TAFA1: variants seen among roughly 807,000 people sequenced by gnomAD.
TAFA1 encodes the protein chemokine-like protein TAFA-1.
In TAFA1, 4 loss-of-function variants were observed where a neutral mutation model predicts 18.5. The observed-to-expected ratio is 0.22, with a 90% CI of 0.11 to 0.49. TAFA1 has a LOEUF of 0.49. Ranked by LOEUF, TAFA1 falls within the 20% of genes least tolerant of loss-of-function variation. TAFA1 has a pLI of 0.98. For missense variants in TAFA1, 147 were observed against 169.0 expected, an observed-to-expected ratio of 0.87 and a Z score of 0.72; for synonymous variants, 56 against 55.2, an observed-to-expected ratio of 1.01 and a Z score of -0.06.
chr3:68,307,279 A>G (rs72626942), intron 2 of TAFA1, among the ~76,000 whole-genome samples: 3,938 of 152,318 alleles, frequency 0.026, 90 homozygotes, highest in East Asian at 0.098. Flanking sequence ...AAAGTTGGAA[A>G]TTATTTTATT....
intron 2 of TAFA1, among the ~76,000 whole-genome samples, chr3:68,240,946 T>C (rs1032746366): frequency 6.6e-6 from 1 of 152,168 alleles, no homozygotes; most frequent in African/African-American, 2.4e-5. Flanking sequence ...TTGACCACAC[T>C]TATTTCTGCC....
chr3:68,257,755 G>A (rs1489436129), intron 2 of TAFA1, among the ~76,000 whole-genome samples: 3 of 152,106 alleles, frequency 2.0e-5, no homozygotes, highest in Non-Finnish European at 4.4e-5. Flanking sequence ...CCAAGGAATA[G>A]AGTATGGAAA....
intron 2 of TAFA1, among the ~76,000 whole-genome samples, chr3:68,371,562 T>C (rs542306978): frequency 6.6e-6 from 1 of 152,206 alleles, no homozygotes; most frequent in Non-Finnish European, 1.5e-5. Flanking sequence ...GAATTCATTC[T>C]TTTTTATGGC....
At chr3:68,407,772 C>T (rs1240974788) in intron 2 of TAFA1, among the ~76,000 whole-genome samples, 1 of 152,166 alleles carries the variant, frequency 6.6e-6, no homozygotes, top group Non-Finnish European at 1.5e-5. Flanking sequence ...CTGCCTCAAA[C>T]ATGGTTGTCC....
At chr3:68,257,709 T>C (rs2067326956) in intron 2 of TAFA1, among the ~76,000 whole-genome samples, 1 of 152,150 alleles carries the variant, frequency 6.6e-6, no homozygotes, top group Non-Finnish European at 1.5e-5. Context: ...TGGCCAACCT[T>C]CCCCTAGAGT....
chr3:68,075,678 G>T (rs1297387373), intron 2 of TAFA1, among the ~76,000 whole-genome samples: 1 of 150,416 alleles, frequency 6.6e-6, no homozygotes, highest in African/African-American at 2.4e-5. Flanking sequence ...GACCAAGAAC[G>T]ACTATCTTTT....
At chr3:68,104,816 G>T (rs1030325441) in intron 2 of TAFA1, among the ~76,000 whole-genome samples, 1 of 152,138 alleles carries the variant, frequency 6.6e-6, no homozygotes, top group Non-Finnish European at 1.5e-5. Flanking sequence ...TCTATCCTTT[G>T]TGGGAAAAAG....
At chr3:68,079,865 C>G (rs2064874157) in intron 2 of TAFA1, among the ~76,000 whole-genome samples, 2 of 152,160 alleles carry the variant, frequency 1.3e-5, no homozygotes, top group South Asian at 4.2e-4. Flanking sequence ...TCCTGGGTAT[C>G]CTTGTTGACT....
intron 4 of TAFA1, 122 bp from the exon 5 acceptor site, chr3:68,544,364 T>A: frequency 1.1e-6 from 1 of 928,576 alleles, no homozygotes; most frequent in Admixed American, 2.4e-5. Flanking sequence ...TGACTTCAGA[T>A]CACCTGAAAA....
chr3:68,301,196 T>C (rs2068297984), intron 2 of TAFA1, among the ~76,000 whole-genome samples: 1 of 152,238 alleles, frequency 6.6e-6, no homozygotes, highest in South Asian at 2.1e-4. Context: ...TACTGTTTTC[T>C]TCTGTTGTCC....
chr3:68,520,822 T>C (rs999409877), intron 3 of TAFA1, among the ~76,000 whole-genome samples: 1 of 152,198 alleles, frequency 6.6e-6, no homozygotes, highest in Non-Finnish European at 1.5e-5. Flanking sequence ...CAAAATCTCA[T>C]TCTTCAGTAA....
intron 2 of TAFA1, among the ~76,000 whole-genome samples, chr3:68,053,543 T>C (rs1446607522): frequency 6.6e-6 from 1 of 152,114 alleles, no homozygotes; most frequent in Non-Finnish European, 1.5e-5. Flanking sequence ...CTATTTACTT[T>C]TATGCATGCT....
intron 2 of TAFA1, among the ~76,000 whole-genome samples, chr3:68,080,276 G>C (rs1260974473): frequency 6.6e-6 from 1 of 152,150 alleles, no homozygotes; most frequent in Non-Finnish European, 1.5e-5. Flanking sequence ...CAATTTTCCA[G>C]TCTGTGTCTT....
Position 68,086,473 on chromosome 3 carries a change from ATTGT to A in TAFA1, c.118+79731_118+79734del, listed in dbSNP as rs570137199. On this transcript the variant is annotated intron_variant, in intron 2 of 4. Coordinates refer to ENST00000478136, the MANE Select transcript of TAFA1 (RefSeq NM_213609.4). ...TGTCTGAGTTTTGGAAGCATCTCTG[ATTGT>A]TGCATGTTAAAACAGCATTCTTACT... 2.6e-3 allele frequency among the ~76,000 whole-genome samples: 392 copies of A among 152,266 alleles called. 3 individuals carry two copies. The highest frequency in any genetic ancestry group is 5.8e-3 in the Admixed American group (88 of 15,294).
rs1248731201 is a variant in TAFA1, at chr3:68,291,151, G to A, written c.119-126129G>A. Among the ~76,000 whole-genome samples the A allele has an allele frequency of 2.6e-5, 4 of 152,062 alleles. No homozygotes were observed. The East Asian group carries it at 5.8e-4, about 22-fold the overall frequency. ...GTTATGAAGATTTTTGGATCTGACAGCAACATGGACTCAATATATAGGTGT... is the reference window on the plus strand; with the variant it reads ...GTTATGAAGATTTTTGGATCTGACAACAACATGGACTCAATATATAGGTGT... On this transcript the variant is annotated intron_variant, in intron 2 of 4. Coordinates refer to ENST00000478136, the MANE Select transcript of TAFA1 (RefSeq NM_213609.4).
chr3:68,514,719 G>A (rs199982123), intron 3 of TAFA1, among the ~76,000 whole-genome samples: 14 of 147,432 alleles, frequency 9.5e-5, no homozygotes, highest in Admixed American at 2.0e-4. Flanking sequence ...ACCCAGCAAT[G>A]AAAAAAAAAA....
chr3:68,386,516 AG>A (rs545015688), intron 2 of TAFA1, among the ~76,000 whole-genome samples: 82 of 152,270 alleles, frequency 5.4e-4, no homozygotes, highest in African/African-American at 1.8e-3. Flanking sequence ...GAACTCATCT[AG>A]GGTGCTATGC....
chr3:68,224,819 G>T (rs923114079), intron 2 of TAFA1, among the ~76,000 whole-genome samples: 3 of 151,764 alleles, frequency 2.0e-5, no homozygotes, highest in Admixed American at 1.3e-4. Context: ...TTGGGGAGGG[G>T]GTTACGAGCC....
At chr3:68,526,128 G>T (rs914793803) in intron 3 of TAFA1, among the ~76,000 whole-genome samples, 2 of 152,104 alleles carry the variant, frequency 1.3e-5, no homozygotes, top group African/African-American at 4.8e-5. Context: ...GATCTGAAGT[G>T]GCCTAAGAGG....
Sources: gnomAD v4.1 joint callset for allele counts (sites outside exome capture counted in the v4.1 genomes callset) on GRCh38, gnomAD v4.1.1 for gene constraint, MANE v1.5 for transcripts, NCBI Gene and HGNC (gene_info 2026-07-23, HGNC 2026-07-21) for gene names.